The following LDB2 variants were observed in gnomAD, a reference collection of about 807,000 sequenced individuals.
LDB2 encodes the protein LIM domain-binding protein 2.
LDB2 carries 12 observed loss-of-function variants against 44.3 expected under a neutral mutation model. That is an observed-to-expected ratio of 0.27 (90% CI 0.17 to 0.44). The LOEUF (loss-of-function observed/expected upper bound fraction) is 0.44. Ranked by LOEUF, LDB2 falls within the 20% of genes least tolerant of loss-of-function variation. The pLI, the probability that LDB2 is intolerant of heterozygous loss-of-function variation, is 1.00. For synonymous variants in LDB2, 164 were observed against 174.8 expected, an observed-to-expected ratio of 0.94 and a Z score of 0.49; for missense variants, 344 against 473.5, an observed-to-expected ratio of 0.73 and a Z score of 2.54.
intron 2 of LDB2, among the ~76,000 whole-genome samples, chr4:16,739,671 CAT>C (rs1438392625): frequency 1.9e-5 from 1 of 51,638 alleles, no homozygotes; most frequent in Non-Finnish European, 3.4e-5. Flanking sequence ...TGTATATATA[CAT>C]ATGTGTGTAT....
At chr4:16,835,984 T>G (rs1784822969) in intron 1 of LDB2, among the ~76,000 whole-genome samples, 3 of 152,192 alleles carry the variant, frequency 2.0e-5, no homozygotes, top group Non-Finnish European at 2.9e-5. Flanking sequence ...CTTGTAGTAT[T>G]TGCTAATTTC....
intron 1 of LDB2, among the ~76,000 whole-genome samples, chr4:16,784,646 A>G (rs1773984412): frequency 6.6e-6 from 1 of 152,214 alleles, no homozygotes; most frequent in East Asian, 1.9e-4. Flanking sequence ...TTATCAAGTC[A>G]TCAAAGTCTA....
At chr4:16,641,698 T>G (rs1230845841) in intron 2 of LDB2, among the ~76,000 whole-genome samples, 1 of 151,996 alleles carries the variant, frequency 6.6e-6, no homozygotes, top group Admixed American at 6.6e-5. Flanking sequence ...CAAGACCCAA[T>G]CACCTCCCAC....
chr4:16,674,947 GAATTCCCT>G (rs923928452), intron 2 of LDB2, among the ~76,000 whole-genome samples: 3 of 110,016 alleles, frequency 2.7e-5, no homozygotes, highest in Admixed American at 9.0e-5. Context: ...ACCTGAAAGC[GAATTCCCT>G]GTTTGCTCAT....
At chr4:16,885,289 C>G (rs1368435853) in intron 1 of LDB2, among the ~76,000 whole-genome samples, 1 of 151,274 alleles carries the variant, frequency 6.6e-6, no homozygotes, top group Non-Finnish European at 1.5e-5. Flanking sequence ...AGCCTGTGAT[C>G]ACACCACTGC....
At chr4:16,802,464 C>T (rs977508266) in intron 1 of LDB2, among the ~76,000 whole-genome samples, 2 of 152,112 alleles carry the variant, frequency 1.3e-5, no homozygotes, top group Admixed American at 1.3e-4. Flanking sequence ...GGTGTATGTC[C>T]CATCAGAACT....
At chr4:16,634,208 G>T (rs909728483) in intron 2 of LDB2, among the ~76,000 whole-genome samples, 1 of 146,716 alleles carries the variant, frequency 6.8e-6, no homozygotes, top group Admixed American at 7.1e-5. Context: ...CATGGGCAAA[G>T]ACTTCATGTC....
At chr4:16,555,481 T>A (rs1476147264) in intron 5 of LDB2, among the ~76,000 whole-genome samples, 2 of 152,204 alleles carry the variant, frequency 1.3e-5, no homozygotes, top group Admixed American at 1.3e-4. Context: ...AAACATGTGC[T>A]TGCATGCACA....
At chr4:16,883,123 G>A (rs1008457457) in intron 1 of LDB2, among the ~76,000 whole-genome samples, 3 of 152,204 alleles carry the variant, frequency 2.0e-5, no homozygotes, top group South Asian at 2.1e-4. Context: ...AGTTTGTGCC[G>A]AAAGGCAAGA....
At chr4:16,870,441 C>T (rs981774713) in intron 1 of LDB2, among the ~76,000 whole-genome samples, 1 of 105,824 alleles carries the variant, frequency 9.4e-6, no homozygotes, top group African/African-American at 3.8e-5. Flanking sequence ...CTCTGCAATC[C>T]TGCTGAAGGG....
chr4:16,544,522 TGGA>T (rs143754543), intron 5 of LDB2, among the ~76,000 whole-genome samples: 17 of 152,260 alleles, frequency 1.1e-4, no homozygotes, highest in Admixed American at 2.0e-4. Context: ...CACCCAGTGG[TGGA>T]GAACAACTGA....
intron 1 of LDB2, among the ~76,000 whole-genome samples, chr4:16,844,248 CAAAAAAAAAAAAAAAAAA>C (rs34034796): frequency 1.0e-4 from 3 of 30,060 alleles, no homozygotes; most frequent in Non-Finnish European, 1.7e-4. Context: ...ACCCTGTCTC[CAAAAAAAAAAAAAAAAAA>C]AAAAAAAAGG....
intron 1 of LDB2, among the ~76,000 whole-genome samples, chr4:16,805,142 G>C (rs547230393): frequency 1.3e-5 from 2 of 152,038 alleles, no homozygotes; most frequent in Non-Finnish European, 2.9e-5. Context: ...TTCTTCTAAA[G>C]ACACTAATTC....
At chr4:16,565,123 C>T (rs958991077) in intron 5 of LDB2, among the ~76,000 whole-genome samples, 7 of 152,054 alleles carry the variant, frequency 4.6e-5, no homozygotes, top group African/African-American at 1.2e-4. Flanking sequence ...ATTAGTTTTA[C>T]AGACAGGAAA....
intron 2 of LDB2, among the ~76,000 whole-genome samples, chr4:16,663,666 A>T (rs1453364720): frequency 2.6e-5 from 4 of 152,214 alleles, no homozygotes; most frequent in African/African-American, 9.6e-5. Context: ...GGTAGCTAGT[A>T]AATAAACAGC....
At chr4:16,654,155 G>A (rs1478252966) in intron 2 of LDB2, among the ~76,000 whole-genome samples, 1 of 152,150 alleles carries the variant, frequency 6.6e-6, no homozygotes, top group Non-Finnish European at 1.5e-5. Flanking sequence ...AAATATTTGA[G>A]GGTGAGAACC....
chr4:16,797,553 G>A (rs1293258526), intron 1 of LDB2, among the ~76,000 whole-genome samples: 6 of 152,006 alleles, frequency 3.9e-5, no homozygotes, highest in Non-Finnish European at 7.4e-5. Context: ...GACATTTTGA[G>A]TATTCCCAAA....
At chr4:16,610,519 A>G (rs1322668378) in intron 2 of LDB2, among the ~76,000 whole-genome samples, 3 of 152,196 alleles carry the variant, frequency 2.0e-5, no homozygotes, top group Non-Finnish European at 4.4e-5. Context: ...GAGGAACATA[A>G]ATGACCTGAT....
intron 5 of LDB2, among the ~76,000 whole-genome samples, chr4:16,518,695 C>A (rs1724816537): frequency 6.6e-6 from 1 of 152,170 alleles, no homozygotes; most frequent in African/African-American, 2.4e-5. Flanking sequence ...GACCCTTGAA[C>A]TAAATCGGTA....
Sources: gnomAD v4.1 joint callset for allele counts (sites outside exome capture counted in the v4.1 genomes callset) on GRCh38, gnomAD v4.1.1 for gene constraint, MANE v1.5 for transcripts, NCBI Gene and HGNC (gene_info 2026-07-23, HGNC 2026-07-21) for gene names.